PALM2AKAP2: variants seen among roughly 807,000 people sequenced by gnomAD.
The protein encoded by PALM2AKAP2 is PALM2 and AKAP2 fusion, also known as PALM2-AKAP2 fusion protein.
PALM2AKAP2 carries 37 observed loss-of-function variants against 71.5 expected under a neutral mutation model. That is an observed-to-expected ratio of 0.52 (90% CI 0.40 to 0.68). The LOEUF (loss-of-function observed/expected upper bound fraction) is 0.68, where lower values mean the gene tolerates loss of function less well. Among genes scored for constraint, PALM2AKAP2 ranks in the 30% least tolerant of loss-of-function variants. PALM2AKAP2 has a pLI of 0.00. For synonymous variants in PALM2AKAP2, 468 were observed against 478.8 expected, an observed-to-expected ratio of 0.98 and a Z score of 0.29; for missense variants, 1,224 against 1,191.8, an observed-to-expected ratio of 1.03 and a Z score of -0.40.
chr9:109,933,655 G>A (rs967214020), intron 6 of PALM2AKAP2, among the ~76,000 whole-genome samples: 1 of 152,196 alleles, frequency 6.6e-6, no homozygotes, highest in Non-Finnish European at 1.5e-5. Flanking sequence ...TGAAGATCCT[G>A]CAAAACATGA....
intron 3 of PALM2AKAP2, among the ~76,000 whole-genome samples, chr9:109,900,766 T>A (rs77613428): frequency 6.6e-6 from 1 of 152,342 alleles, no homozygotes; most frequent in East Asian, 1.9e-4. Context: ...ACGTTTCTAT[T>A]GTACTTGAGT....
intron 1 of PALM2AKAP2, among the ~76,000 whole-genome samples, chr9:109,788,693 GT>G (rs1564148947): frequency 6.6e-6 from 1 of 152,226 alleles, no homozygotes; most frequent in Non-Finnish European, 1.5e-5. Flanking sequence ...AGGAGTTTGT[GT>G]GGTGTGTATA....
At chr9:110,021,579 A>G (rs1833074936) in intron 7 of PALM2AKAP2, among the ~76,000 whole-genome samples, 1 of 152,018 alleles carries the variant, frequency 6.6e-6, no homozygotes, top group Non-Finnish European at 1.5e-5. Context: ...TACTCTACTT[A>G]CCCTTATAAA....
chr9:110,051,450 T>C (rs533710779), intron 1 of PALM2AKAP2, among the ~76,000 whole-genome samples: 2 of 152,356 alleles, frequency 1.3e-5, no homozygotes, highest in East Asian at 3.9e-4. Flanking sequence ...GTAATTATTG[T>C]CTAGATAATT....
rs191772350 is a variant in PALM2AKAP2, at chr9:109,897,184, T to G, written c.257+16503T>G. Among the ~76,000 whole-genome samples the G allele has an allele frequency of 5.3e-5, 8 of 152,354 alleles. No homozygotes were observed. The East Asian group carries it at 1.3e-3, about 26-fold the overall frequency. ...GTGGCCTTGAACCAATTAGTTAAGA[T>G]TTTGTGCCTCATTTTCCTCATCTGC... On this transcript the variant is annotated intron_variant, in intron 3 of 9. Transcript: ENST00000302798.
At chr9:110,082,075 C>G (rs1434628017) in intron 1 of PALM2AKAP2, among the ~76,000 whole-genome samples, 1 of 145,818 alleles carries the variant, frequency 6.9e-6, no homozygotes, top group Admixed American at 6.7e-5. Flanking sequence ...GTAGTGCAAG[C>G]AGTGGCTTTT....
At chr9:109,780,936 C>T (rs1829435036) in intron 1 of PALM2AKAP2, among the ~76,000 whole-genome samples, 2 of 152,178 alleles carry the variant, frequency 1.3e-5, no homozygotes, top group South Asian at 4.2e-4. Context: ...GGAAGCTGTC[C>T]TCCTGTTAAG....
At position 109,681,154 on chromosome 9, in the gene PALM2AKAP2, T is replaced by G. The variant is rs72750858; in HGVS notation, c.5+40288T>G. ...CTTTTGAAGAAATTAACAAAAACATTGTTTTGCATTGTAATTCTCCATCTA... is the reference window on the plus strand; with the variant it reads ...CTTTTGAAGAAATTAACAAAAACATGGTTTTGCATTGTAATTCTCCATCTA... On this transcript the variant is annotated intron_variant, in intron 1 of 6. Coordinates refer to the PALM2AKAP2 transcript ENST00000374531. Among the ~76,000 whole-genome samples the G allele has an allele frequency of 4.5e-3, 684 of 152,344 alleles. 1 individual carries two copies. Among genetic ancestry groups the G allele is most frequent in the Middle Eastern group, 0.01 (3 of 294 alleles).
At chr9:110,163,786 T>C (rs1836664108) in intron 3 of PALM2AKAP2, among the ~76,000 whole-genome samples, 2 of 152,210 alleles carry the variant, frequency 1.3e-5, no homozygotes, top group Non-Finnish European at 2.9e-5. Context: ...TCTTCTGTTA[T>C]GGAAATGTAG....
chr9:109,798,102 G>A (rs1013693197), intron 1 of PALM2AKAP2, among the ~76,000 whole-genome samples: 1 of 152,202 alleles, frequency 6.6e-6, no homozygotes, highest in Non-Finnish European at 1.5e-5. Flanking sequence ...TGGACTTGGG[G>A]ATGGCCAGCT....
At chr9:109,759,337 T>A (rs569062353) in intron 1 of PALM2AKAP2, among the ~76,000 whole-genome samples, 3 of 152,252 alleles carry the variant, frequency 2.0e-5, no homozygotes, top group African/African-American at 7.2e-5. Context: ...TGGTAGAATG[T>A]TTTGTAAGTG....
At chr9:109,923,768 A>G in exon 4 of PALM2AKAP2, 2 of 1,602,934 alleles carry the variant, frequency 1.2e-6, no homozygotes, top group Non-Finnish European at 1.7e-6. Flanking sequence ...TAGAAAGTGA[A>G]GAGTCCCAGA....
exon 4 of PALM2AKAP2, chr9:110,169,295 CTA>C (rs1564345905): frequency 6.6e-6 from 1 of 152,430 alleles, no homozygotes; most frequent in African/African-American, 2.4e-5. Context: ...CATAGGAAAA[CTA>C]TATTTAGTGG....
At chr9:109,994,841 C>A (rs910065142) in intron 6 of PALM2AKAP2, among the ~76,000 whole-genome samples, 8 of 152,180 alleles carry the variant, frequency 5.3e-5, no homozygotes, top group Admixed American at 2.6e-4. Context: ...CTGCCATGGA[C>A]CTGGTTCTGG....
chr9:110,005,529 G>A lies in PALM2AKAP2; in HGVS notation c.497-10425G>A, dbSNP rs1832761409. On this transcript the variant is annotated intron_variant, in intron 6 of 9. Transcript: ENST00000302798. ...TCTCAGATCTCCAGCTGTGTGCTGG[G>A]AGAACCACTACTCTCTTCAAAGCTG... Among the ~76,000 whole-genome samples, 3 of 152,228 alleles carry A rather than the reference G, an allele frequency of 2.0e-5. No homozygotes were observed. The East Asian group carries it at 5.8e-4, about 29-fold the overall frequency.
chr9:109,854,780 T>TA (rs1359864676), intron 1 of PALM2AKAP2, among the ~76,000 whole-genome samples: 1 of 141,696 alleles, frequency 7.1e-6, no homozygotes, highest in East Asian at 2.0e-4. Context: ...TTTTTTTTTT[T>TA]TTTTTTTTTT....
At chr9:109,840,595 A>C (rs1464425100) in intron 1 of PALM2AKAP2, among the ~76,000 whole-genome samples, 2 of 152,218 alleles carry the variant, frequency 1.3e-5, no homozygotes, top group African/African-American at 4.8e-5. Context: ...ACAGAATGGG[A>C]GAACATTTTT....
At chr9:109,835,599 G>A (rs1443187055) in intron 1 of PALM2AKAP2, among the ~76,000 whole-genome samples, 2 of 152,168 alleles carry the variant, frequency 1.3e-5, no homozygotes, top group African/African-American at 4.8e-5. Context: ...CACCCAGGAA[G>A]CGCAAGGGGT....
At chr9:110,044,980 C>G (rs1833573180), upstream of PALM2AKAP2, among the ~76,000 whole-genome samples, 1 of 152,180 alleles carries the variant, frequency 6.6e-6, no homozygotes, top group Admixed American at 6.5e-5. Flanking sequence ...AAGAGCTTCT[C>G]TCAACCTGTA....
Sources: allele counts gnomAD v4.1 joint callset (sites outside exome capture counted in the v4.1 genomes callset), GRCh38; gene constraint gnomAD v4.1.1; transcripts MANE v1.5; gene names NCBI Gene and HGNC (gene_info 2026-07-23, HGNC 2026-07-21).